Variants in VAV2 observed in about 807,000 individuals in gnomAD.
The protein encoded by VAV2 is guanine nucleotide exchange factor VAV2.
VAV2 carries 67 observed loss-of-function variants against 132.5 expected under a neutral mutation model. The observed-to-expected ratio is 0.51, with a 90% CI of 0.42 to 0.62. VAV2 has a LOEUF of 0.62. VAV2 is among the 20% of genes least tolerant of loss of function. The probability of loss-of-function intolerance (pLI) is 0.00; values close to 1 mark genes in which losing one functional copy is unlikely to be tolerated. For synonymous variants in VAV2, 492 were observed against 443.5 expected, an observed-to-expected ratio of 1.11 and a Z score of -1.37; for missense variants, 938 against 1,153.6, an observed-to-expected ratio of 0.81 and a Z score of 2.71.
intron 7 of VAV2, among the ~76,000 whole-genome samples, chr9:133,808,663 T>C (rs551769142): frequency 4.3e-4 from 65 of 152,298 alleles, no homozygotes; most frequent in Admixed American, 6.5e-4. Flanking sequence ...TGTTCCATTT[T>C]ACAGATGGGG....
intron 2 of VAV2, among the ~76,000 whole-genome samples, chr9:133,903,597 A>C (rs7039465): frequency 1.5e-3 from 223 of 152,260 alleles, no homozygotes; most frequent in African/African-American, 5.3e-3. Flanking sequence ...AAAGTCGGAC[A>C]TGGCCTCAGC....
intron 1 of VAV2, among the ~76,000 whole-genome samples, chr9:133,970,622 G>T (rs1842300243): frequency 6.6e-6 from 1 of 152,202 alleles, no homozygotes; most frequent in South Asian, 2.1e-4. Context: ...CAGCCTTGCT[G>T]GCCCAGCACC....
chr9:133,827,707 G>A (rs112801365), intron 4 of VAV2, among the ~76,000 whole-genome samples: 30 of 45,396 alleles, frequency 6.6e-4, no homozygotes, highest in Admixed American at 5.9e-3. Context: ...CTACCGCTGC[G>A]CCCACTGGGG....
chr9:133,978,211 C>T (rs1842578629), intron 1 of VAV2, among the ~76,000 whole-genome samples: 1 of 152,230 alleles, frequency 6.6e-6, no homozygotes, highest in African/African-American at 2.4e-5. Flanking sequence ...TCCCAGGGTC[C>T]ACTAGGAGGA....
At chr9:133,773,748 T>C (rs1290612489) in intron 25 of VAV2, among the ~76,000 whole-genome samples, 1 of 152,170 alleles carries the variant, frequency 6.6e-6, no homozygotes, top group Non-Finnish European at 1.5e-5. Flanking sequence ...TAAGTATTTT[T>C]TTGCTGAGTA....
rs1361672862 is a variant in VAV2 at position 133,935,387 on chromosome 9, C to T, written c.321+3716G>A. 3.3e-5 allele frequency among the ~76,000 whole-genome samples: 5 copies of T among 152,334 alleles called. No individual in the cohort carries two copies. The highest frequency in any genetic ancestry group is 6.5e-5 in the Admixed American group (1 of 15,310). The stretch of plus-strand genomic sequence containing the variant: ...AGGCCTATCAGCCCCGCCCTCCACA[C>T]CGGCTCCTTGTGGTCAACAAGCTGG... On this transcript the variant is annotated intron_variant, in intron 2 of 29. Transcript: ENST00000371850. This position sits in a 1 kb window ranked among gnomAD's most constrained non-coding sequence, Gnocchi z 5.2.
rs571160504 is a variant in VAV2, at chr9:133,883,148, T to C, written c.322-21716A>G. ...CTTCCCTCCTAATTGGCATGGAAAG[T>C]CAAGTCCCTGAGCCTGCAAAAGACT... On this transcript the variant is annotated intron_variant, in intron 2 of 29. Coordinates refer to ENST00000371850, the MANE Select transcript of VAV2 (RefSeq NM_001134398.2). The surrounding 1 kb of genome is among the most constrained non-coding windows in gnomAD (Gnocchi z 4.2). Among the ~76,000 whole-genome samples, 1 of 152,264 alleles carries C rather than the reference T, an allele frequency of 6.6e-6. No homozygotes were observed. Among genetic ancestry groups the C allele is most frequent in the African/African-American group, 2.4e-5 (1 of 41,546 alleles).
intron 1 of VAV2, among the ~76,000 whole-genome samples, chr9:133,943,509 CA>C (rs1280082543): frequency 6.6e-6 from 1 of 152,326 alleles, no homozygotes; most frequent in South Asian, 2.1e-4. Flanking sequence ...CGGGACCCCC[CA>C]CAAAGGCAGC....
chr9:133,963,167 T>C (rs899334730), intron 1 of VAV2, among the ~76,000 whole-genome samples: 1 of 152,178 alleles, frequency 6.6e-6, no homozygotes, highest in African/African-American at 2.4e-5. Flanking sequence ...GGGTCGAAGC[T>C]ACAAGAGCTT....
intron 2 of VAV2, among the ~76,000 whole-genome samples, chr9:133,937,537 A>AGT (rs1554813274): frequency 4.0e-5 from 4 of 99,958 alleles, no homozygotes; most frequent in East Asian, 2.7e-4. Flanking sequence ...AGTGTGTGTG[A>AGT]GAGTGTGTGT....
At chr9:133,825,242 G>A (rs779734936) in intron 4 of VAV2, among the ~76,000 whole-genome samples, 3 of 152,024 alleles carry the variant, frequency 2.0e-5, no homozygotes, top group Non-Finnish European at 4.4e-5. Flanking sequence ...GCCATCACCC[G>A]CCTTAAGAAA....
intron 25 of VAV2, 144 bp from the exon 26 acceptor site, chr9:133,772,190 C>T (rs1588154601): frequency 1.4e-6 from 1 of 697,202 alleles, no homozygotes; most frequent in Non-Finnish European, 2.4e-6. Flanking sequence ...CCCTGTCCTA[C>T]CCCAGCCCTT....
intron 2 of VAV2, among the ~76,000 whole-genome samples, chr9:133,901,222 G>A (rs1839428569): frequency 1.3e-5 from 2 of 152,214 alleles, no homozygotes; most frequent in Non-Finnish European, 2.9e-5. Context: ...ACCACTCCGG[G>A]GGCCCAGTGG....
chr9:133,818,025 G>C (rs1391276868), intron 4 of VAV2, among the ~76,000 whole-genome samples: 1 of 152,098 alleles, frequency 6.6e-6, no homozygotes, highest in African/African-American at 2.4e-5. Context: ...CCTCACCAGT[G>C]CGGACAGGTG....
chr9:133,842,134 A>G (rs2131812687), intron 3 of VAV2, among the ~76,000 whole-genome samples: 1 of 152,354 alleles, frequency 6.6e-6, no homozygotes, highest in South Asian at 2.1e-4. Context: ...TCATCCAGCC[A>G]TCATGCACAG....
At chr9:133,853,992 G>A (rs73663861) in intron 3 of VAV2, among the ~76,000 whole-genome samples, 5,269 of 152,150 alleles carry the variant, frequency 0.035, 276 homozygotes, top group African/African-American at 0.11. Flanking sequence ...AGATGGGTGT[G>A]GGCACATGAG....
rs1246716795 is a variant in VAV2, at chr9:133,810,352, T to C, written c.553-147A>G. The C allele has an allele frequency of 5.3e-6, 7 of 1,332,468 alleles. No homozygotes were observed. The African/African-American group carries it at 1.0e-4, about 19-fold the overall frequency. 82.5% of individuals were successfully genotyped at this position (1,332,468 alleles called of 1,614,324 possible). ...ATCACGGCCCCTCGTGCTGCCCAGC[T>C]GGGCAGGGCGATGGCTCATGGGCCA... On this transcript the variant is annotated intron_variant, in intron 5 of 29. Transcript: ENST00000371850.
intron 1 of VAV2, among the ~76,000 whole-genome samples, chr9:133,973,156 G>A (rs1333108079): frequency 1.3e-5 from 2 of 152,114 alleles, no homozygotes; most frequent in African/African-American, 4.8e-5. Flanking sequence ...ATGGGCACAG[G>A]GGATCTGCAA....
chr9:133,789,432 A>C, intron 13 of VAV2, 89 bp from the exon 14 acceptor site: 1 of 1,237,010 alleles, frequency 8.1e-7, no homozygotes, highest in Non-Finnish European at 1.2e-6. Flanking sequence ...CGTGCACCCA[A>C]GGGAACTCCC....
Sources: allele counts gnomAD v4.1 joint callset (sites outside exome capture counted in the v4.1 genomes callset), GRCh38; gene constraint gnomAD v4.1.1; non-coding constraint Gnocchi (gnomAD v3.1); transcripts MANE v1.5; gene names NCBI Gene and HGNC (gene_info 2026-07-23, HGNC 2026-07-21).